The following SHANK2 variants were observed in gnomAD, a reference collection of about 807,000 sequenced individuals.
SHANK2 encodes SH3 and multiple ankyrin repeat domains 2.
A neutral mutation model predicts 133.7 loss-of-function variants in SHANK2; 43 were observed. That is an observed-to-expected ratio of 0.32 (90% confidence interval 0.25 to 0.41). SHANK2 has a LOEUF of 0.41. Ranked by LOEUF, SHANK2 falls within the 10% of genes least tolerant of loss-of-function variation. SHANK2 has a pLI of 1.00. For missense variants in SHANK2, 1,994 were observed against 2,235.8 expected (o/e 0.89, Z 2.18); for synonymous variants, 1,017 against 952.8 (o/e 1.07, Z -1.24).
At chr11:70,584,372 G>A (rs2060221468) in intron 17 of SHANK2, among the ~76,000 whole-genome samples, 1 of 152,128 alleles carries the variant, frequency 6.6e-6, no homozygotes, top group Non-Finnish European at 1.5e-5. Flanking sequence ...GACCCTGGAG[G>A]GATGGCCCCT....
chr11:71,200,060 C>T (rs1953987498), intron 2 of SHANK2, among the ~76,000 whole-genome samples: 1 of 152,126 alleles, frequency 6.6e-6, no homozygotes, highest in Non-Finnish European at 1.5e-5. Context: ...TGTTGTGTAA[C>T]CATCACCACT....
intron 15 of SHANK2, among the ~76,000 whole-genome samples, chr11:70,672,439 TCTC>T (rs1944830781): frequency 6.6e-6 from 1 of 152,190 alleles, no homozygotes; most frequent in African/African-American, 2.4e-5. Flanking sequence ...TCATGCCCCT[TCTC>T]CTCCTGACTC....
chr11:70,743,231 G>A (rs980837572), intron 14 of SHANK2, among the ~76,000 whole-genome samples: 18 of 152,370 alleles, frequency 1.2e-4, no homozygotes, highest in African/African-American at 4.1e-4. Context: ...GGCAGCGCTC[G>A]AGCTGCACGT....
At position 70,545,278 on chromosome 11, in the gene SHANK2, C is replaced by G. The variant is rs77059926; in HGVS notation, c.2062-42347G>C. ...AATCAGCTCCTTTGTGTGCCAGTCT[C>G]GTCTTCCTGACCAGCTCCCAGCTCC... On this transcript the variant is annotated intron_variant, in intron 17 of 25. Transcript: ENST00000601538. Among the ~76,000 whole-genome samples the G allele has an allele frequency of 7.5e-3, 1,142 of 152,370 alleles. 8 individuals carry two copies. Among genetic ancestry groups the G allele is most frequent in the Non-Finnish European group, 0.013 (852 of 68,028 alleles).
chr11:71,165,223 G>A (rs1472812808), intron 2 of SHANK2, among the ~76,000 whole-genome samples: 1 of 151,802 alleles, frequency 6.6e-6, no homozygotes, highest in Non-Finnish European at 1.5e-5. Flanking sequence ...AGTAGAGACG[G>A]GGGTCTCACC....
intron 1 of SHANK2, among the ~76,000 whole-genome samples, chr11:71,251,094 AC>A (rs1221187516): frequency 4.1e-5 from 6 of 147,630 alleles, no homozygotes; most frequent in African/African-American, 1.3e-4. Context: ...CTTTCGCCTG[AC>A]CCCCCCACCA....
chr11:70,888,927 C>G (rs1949792126), intron 11 of SHANK2, among the ~76,000 whole-genome samples: 1 of 152,192 alleles, frequency 6.6e-6, no homozygotes, highest in African/African-American at 2.4e-5. Context: ...TGAGGCCCCA[C>G]CACGTGCCTA....
chr11:71,065,113 G>A (rs1951032147), intron 9 of SHANK2, among the ~76,000 whole-genome samples: 1 of 152,180 alleles, frequency 6.6e-6, no homozygotes, highest in Non-Finnish European at 1.5e-5. Flanking sequence ...CCATGTGGGT[G>A]TGACTGGGTT....
At chr11:70,783,053 C>G (rs1445697939) in intron 14 of SHANK2, among the ~76,000 whole-genome samples, 1 of 152,156 alleles carries the variant, frequency 6.6e-6, no homozygotes, top group Non-Finnish European at 1.5e-5. Flanking sequence ...GCACAGTGCT[C>G]TTCTCTGTCT....
intron 2 of SHANK2, among the ~76,000 whole-genome samples, chr11:71,189,726 C>A (rs1418234166): frequency 1.3e-5 from 2 of 152,250 alleles, no homozygotes; most frequent in Non-Finnish European, 2.9e-5. Context: ...CACCAACACT[C>A]AGAGAGGACA....
chr11:70,630,712 A>G (rs2060973714), intron 17 of SHANK2, among the ~76,000 whole-genome samples: 1 of 152,162 alleles, frequency 6.6e-6, no homozygotes, highest in Admixed American at 6.5e-5. Context: ...GACTCCCCAG[A>G]AGCTGAAAGA....
chr11:70,751,867 T>C (rs1421805797), intron 14 of SHANK2, among the ~76,000 whole-genome samples: 1 of 151,894 alleles, frequency 6.6e-6, no homozygotes, highest in Non-Finnish European at 1.5e-5. Context: ...AAAAAAGCTA[T>C]ATAATTGTTT....
At chr11:71,143,735 A>G (rs1426504965) in intron 3 of SHANK2, among the ~76,000 whole-genome samples, 1 of 152,200 alleles carries the variant, frequency 6.6e-6, no homozygotes, top group Non-Finnish European at 1.5e-5. Flanking sequence ...ACGAATCAAC[A>G]TTACATAGTA....
intron 9 of SHANK2, among the ~76,000 whole-genome samples, chr11:71,073,120 G>GCTTT (rs1951163784): frequency 8.2e-6 from 1 of 121,662 alleles, no homozygotes; most frequent in Non-Finnish European, 1.9e-5. Flanking sequence ...TGGAAGGCTT[G>GCTTT]CTTTTTGTTT....
At chr11:70,891,487 G>A (rs1227698589) in intron 11 of SHANK2, among the ~76,000 whole-genome samples, 1 of 152,138 alleles carries the variant, frequency 6.6e-6, no homozygotes, top group African/African-American at 2.4e-5. Flanking sequence ...GGGTGACAGA[G>A]CAAGACTCTG....
chr11:71,087,325 G>A (rs1951432795), intron 8 of SHANK2, among the ~76,000 whole-genome samples: 1 of 152,166 alleles, frequency 6.6e-6, no homozygotes. Context: ...GGGAGAGAGG[G>A]CAGGAAAAAG....
intron 17 of SHANK2, among the ~76,000 whole-genome samples, chr11:70,518,157 G>C (rs10793122): frequency 3.3e-5 from 5 of 152,096 alleles, no homozygotes; most frequent in Non-Finnish European, 7.4e-5. Flanking sequence ...TGCTGGCTCC[G>C]AGAGCACCCA....
intron 2 of SHANK2, among the ~76,000 whole-genome samples, chr11:71,160,027 C>T (rs34349194): frequency 2.7e-5 from 4 of 150,574 alleles, no homozygotes; most frequent in East Asian, 2.0e-4. Context: ...TAGGACAGAG[C>T]GCTGTGGAAA....
At position 70,830,700 on chromosome 11, in the gene SHANK2, T is replaced by C. The variant is rs1555058191; in HGVS notation, c.1175-10018A>G. On this transcript the variant is annotated intron_variant, in intron 11 of 25. Coordinates refer to ENST00000601538, the MANE Select transcript of SHANK2 (RefSeq NM_012309.5). This position sits in a 1 kb window ranked among gnomAD's most constrained non-coding sequence, Gnocchi z 4.4. The stretch of plus-strand genomic sequence containing the variant: ...CATTTTCCCTGGAGGCTTCCAGAGA[T>C]CTTCTTCTCTGAGAAAAGCCTCAGG... Among the ~76,000 whole-genome samples, 1 of 152,090 alleles carries C rather than the reference T, an allele frequency of 6.6e-6. No individual in the cohort carries two copies. The highest frequency in any genetic ancestry group is 1.9e-4 in the East Asian group (1 of 5,190).
Sources: gnomAD v4.1 joint callset for allele counts (sites outside exome capture counted in the v4.1 genomes callset) on GRCh38, gnomAD v4.1.1 for gene constraint, Gnocchi (gnomAD v3.1) non-coding constraint, MANE v1.5 for transcripts, NCBI Gene and HGNC (gene_info 2026-07-23, HGNC 2026-07-21) for gene names.